Variants in ABRAXAS1 observed in about 807,000 individuals in gnomAD.
The protein encoded by ABRAXAS1 is abraxas 1, BRCA1 A complex subunit.
ABRAXAS1 carries 26 observed loss-of-function variants against 38.4 expected under a neutral mutation model. The ratio of observed to expected loss-of-function variants is 0.68; its 90% CI spans 0.50 to 0.94. The LOEUF (loss-of-function observed/expected upper bound fraction) is 0.94, where lower values mean the gene tolerates loss of function less well. ABRAXAS1 is among the 40% of genes least tolerant of loss of function. The pLI is 0.00. For missense variants in ABRAXAS1, 438 were observed against 481.9 expected (o/e 0.91, Z 0.85); for synonymous variants, 144 against 165.5 (o/e 0.87, Z 1.00).
rs112256671 is a variant in ABRAXAS1 at position 83,465,117 on chromosome 4, G to A, written c.682-1509C>T. ...TCGAGACCAACCTGGCCAACATGGC[G>A]AAACCCTGTCTCTACTTAAAATACA... is the stretch of plus-strand genomic sequence containing the variant. On this transcript the variant is annotated intron_variant, in intron 7 of 8. Coordinates refer to ENST00000321945, the MANE Select transcript of ABRAXAS1 (RefSeq NM_139076.3). Among the ~76,000 whole-genome samples the A allele has an allele frequency of 6.8e-3, 1,026 of 151,904 alleles. 12 individuals carry two copies. Among genetic ancestry groups the A allele is most frequent in the African/African-American group, 0.024 (976 of 41,456 alleles).
chr4:83,483,982 TA>T, intron 1 of ABRAXAS1: 1 of 971,352 alleles, frequency 1.0e-6, no homozygotes, highest in Non-Finnish European at 1.2e-6. Flanking sequence ...ATTGTATACA[TA>T]AAACATACCA....
At chr4:83,462,926 C>A in intron 8 of ABRAXAS1, 24 bp from the exon 9 acceptor site, 4 of 1,413,594 alleles carry the variant, frequency 2.8e-6, no homozygotes, top group South Asian at 1.4e-5. Flanking sequence ...AATAACAGTT[C>A]AACATATAAC....
At chr4:83,470,685 C>T (rs2110040095) in intron 4 of ABRAXAS1, among the ~76,000 whole-genome samples, 1 of 152,234 alleles carries the variant, frequency 6.6e-6, no homozygotes, top group South Asian at 2.1e-4. Flanking sequence ...TGCTATCTTG[C>T]AATCTCACTC....
intron 1 of ABRAXAS1, 85 bp downstream of exon 1, chr4:83,484,901 G>A (rs1723127285): frequency 3.4e-6 from 4 of 1,179,290 alleles, no homozygotes; most frequent in South Asian, 3.1e-5. Context: ...GGGAGCGGGC[G>A]GGGACCGGAG....
At chr4:83,467,570 AC>A (rs776011671) in intron 6 of ABRAXAS1, 32 bp from the exon 7 acceptor site, 5 of 1,050,626 alleles carry the variant, frequency 4.8e-6, no homozygotes, top group Non-Finnish European at 7.3e-6. Context: ...TCAGGCAAAT[AC>A]ACAAAACCAT....
At chr4:83,473,140 T>C (rs1722643345) in intron 3 of ABRAXAS1, among the ~76,000 whole-genome samples, 2 of 151,434 alleles carry the variant, frequency 1.3e-5, no homozygotes. Flanking sequence ...TTAGCTGGGG[T>C]GTGGTGGTGT....
chr4:83,480,552 G>A (rs1228566679), intron 2 of ABRAXAS1, among the ~76,000 whole-genome samples: 10 of 152,040 alleles, frequency 6.6e-5, no homozygotes, highest in Admixed American at 5.9e-4. Flanking sequence ...AACTTGTAAA[G>A]TAGCAAACAA....
intron 3 of ABRAXAS1, among the ~76,000 whole-genome samples, chr4:83,474,065 C>T (rs1298137466): frequency 6.6e-6 from 1 of 151,594 alleles, no homozygotes; most frequent in African/African-American, 2.4e-5. Context: ...TCGCTTGAAC[C>T]TGGGAGTTGG....
intron 5 of ABRAXAS1, 163 bp from the exon 6 acceptor site, chr4:83,469,314 CTG>C: frequency 3.4e-6 from 2 of 580,328 alleles, no homozygotes; most frequent in South Asian, 4.4e-5. Flanking sequence ...CTTGAAACAA[CTG>C]TTTTTTTTTT....
intron 6 of ABRAXAS1, among the ~76,000 whole-genome samples, chr4:83,468,517 T>C (rs1377019354): frequency 1.3e-5 from 2 of 152,146 alleles, no homozygotes; most frequent in Non-Finnish European, 2.9e-5. Flanking sequence ...AAGAAAGTTA[T>C]ATATAAGCAG....
At chr4:83,480,948 TA>T (rs1722981757) in intron 2 of ABRAXAS1, among the ~76,000 whole-genome samples, 1 of 151,972 alleles carries the variant, frequency 6.6e-6, no homozygotes, top group Non-Finnish European at 1.5e-5. Context: ...CTCGCCAACA[TA>T]ATGAAACCCC....
At chr4:83,482,108 A>G in intron 2 of ABRAXAS1, 46 bp downstream of exon 2, 1 of 1,202,420 alleles carries the variant, frequency 8.3e-7, no homozygotes, top group Non-Finnish European at 1.2e-6. Context: ...ACTATCAAAT[A>G]TAGGAGACAC....
At position 83,459,655 on chromosome 4, in the gene ABRAXAS1, C is replaced by A; in HGVS notation, c.*2814G>T. 8.4e-7 allele frequency: 1 copy of A among 1,194,752 alleles called. No homozygotes were observed. Among genetic ancestry groups the A allele is most frequent in the Non-Finnish European group, 1.2e-6 (1 of 820,956 alleles). The allele number at this position is 1,194,752 out of a possible 1,614,324, so 74.0% of individuals were successfully genotyped here. ...TGAAATTTAGTAAAGCTTTATATAA[C>A]CTGAAGGTTGTTTTTTGAAATTTAC... is the stretch of plus-strand genomic sequence containing the variant. On this transcript the variant is annotated 3_prime_UTR_variant, in exon 9 of 9. Transcript: ENST00000321945.
At chr4:83,480,126 T>C in intron 2 of ABRAXAS1, 2 of 241,432 alleles carry the variant, frequency 8.3e-6, no homozygotes, top group South Asian at 7.8e-5. Context: ...CCCAGCACTT[T>C]GGGAGGCCGA....
intron 2 of ABRAXAS1, chr4:83,477,494 G>A: frequency 2.6e-6 from 1 of 381,862 alleles, no homozygotes; most frequent in Non-Finnish European, 5.0e-6. Flanking sequence ...GGGAGCCTCA[G>A]TTTCCCAGTC....
In ABRAXAS1 at chr4:83,480,228, C is replaced by T. The variant is rs570099505; in HGVS notation, c.178+1926G>A. 1.4e-3 allele frequency: 331 copies of T among 239,734 alleles called. 4 individuals are homozygous for T. Among genetic ancestry groups the T allele is most frequent in the South Asian group, 2.5e-4 (7 of 28,120 alleles). The allele number at this position is 239,734 out of a possible 1,614,324, so 14.9% of individuals were successfully genotyped here. On this transcript the variant is annotated intron_variant, in intron 2 of 8. Coordinates refer to ENST00000321945, the MANE Select transcript of ABRAXAS1 (RefSeq NM_139076.3). ...TACTAAAAATACAAAAAAAATTAGC[C>T]GGGCATGGTTGCGTGTGCCTGTAAT...
In ABRAXAS1 at chr4:83,467,571, C is replaced by G. The variant is rs529303278; in HGVS notation, c.597-33G>C. On this transcript the variant is annotated intron_variant, in intron 6 of 8. Coordinates refer to ENST00000321945, the MANE Select transcript of ABRAXAS1 (RefSeq NM_139076.3). ...AAATTACCATTTCCTCAGGCAAATA[C>G]ACAAAACCATTTTAATGATAAGGTG... The G allele has an allele frequency of 9.0e-5, 94 of 1,049,158 alleles. 2 individuals are homozygous for G. The South Asian group carries it at 1.2e-3, about 13-fold the overall frequency. The allele number at this position is 1,049,158 out of a possible 1,614,324, so 65.0% of individuals were successfully genotyped here.
rs931873787 is a variant in ABRAXAS1 at position 83,459,856 on chromosome 4, C to G, written c.*2613G>C. ...AGATACGAATTATATCAATCTATTT[C>G]TATCATTTAAGAAAACTCAAATTTT... On this transcript the variant is annotated 3_prime_UTR_variant, in exon 9 of 9. Coordinates refer to ENST00000321945, the MANE Select transcript of ABRAXAS1 (RefSeq NM_139076.3). 1.4e-6 allele frequency: 2 copies of G among 1,421,388 alleles called. No individual in the cohort carries two copies. Among genetic ancestry groups the G allele is most frequent in the African/African-American group, 2.9e-5 (2 of 69,638 alleles). 88.0% of individuals were successfully genotyped at this position (1,421,388 alleles called of 1,614,324 possible). A position where few individuals can be genotyped will look rare whatever the true frequency, so the allele number is the denominator to read the frequency against.
intron 7 of ABRAXAS1, 26 bp downstream of exon 7, chr4:83,467,428 T>C (rs754345621): frequency 4.1e-6 from 5 of 1,218,876 alleles, no homozygotes; most frequent in South Asian, 1.2e-5. Flanking sequence ...CTAGAAGTGG[T>C]TGACGTGTTT....
Sources: allele counts gnomAD v4.1 joint callset (sites outside exome capture counted in the v4.1 genomes callset), GRCh38; gene constraint gnomAD v4.1.1; transcripts MANE v1.5; gene names NCBI Gene and HGNC (gene_info 2026-07-23, HGNC 2026-07-21).